The following RAB33B variants were observed in gnomAD, a reference collection of about 807,000 sequenced individuals.
The protein encoded by RAB33B is RAB33B, member RAS oncogene family.
RAB33B carries 6 observed loss-of-function variants against 15.0 expected under a neutral mutation model. The observed-to-expected ratio is 0.40, with a 90% CI of 0.22 to 0.79. The LOEUF (loss-of-function observed/expected upper bound fraction) is 0.79. Among genes scored for constraint, RAB33B ranks in the 30% least tolerant of loss-of-function variants. RAB33B has a pLI of 0.37. For missense variants in RAB33B, 257 were observed against 296.4 expected (o/e 0.87, Z 0.98); for synonymous variants, 117 against 108.3 (o/e 1.08, Z -0.50).
chr4:139,444,428 T>C, the RAB33B span, among the ~76,000 whole-genome samples: 1 of 152,070 alleles, frequency 6.6e-6, no homozygotes, highest in Admixed American at 6.6e-5. Flanking sequence ...CAAAACCCCT[T>C]GAATGAAGGG....
chr4:139,459,520 G>C (rs993696913), intron 1 of RAB33B, among the ~76,000 whole-genome samples: 2 of 152,012 alleles, frequency 1.3e-5, no homozygotes, highest in Admixed American at 1.3e-4. Context: ...ACCTTTAGAT[G>C]ATTTCTATCT....
At chr4:139,464,938 G>A (rs1750253547) in intron 1 of RAB33B, among the ~76,000 whole-genome samples, 1 of 152,126 alleles carries the variant, frequency 6.6e-6, no homozygotes, top group Non-Finnish European at 1.5e-5. Flanking sequence ...GGTATTTCTA[G>A]TTCTAGATCC....
Position 139,454,384 on chromosome 4 carries a change from G to A in RAB33B, c.189G>A (p.Glu63=), listed in dbSNP as rs1343451955. The part of the protein sequence containing the change: ...FCAGRFPDRT[E]ATIGVDFRER... ...CTGGCCGCTTCCCCGACCGCACCGA[G>A]GCCACGATAGGGGTGGATTTCCGAG... Residue 63 remains glutamate, a synonymous_variant, in exon 1 of 2, where the codon GAG becomes GAA. Transcript: ENST00000305626. 6.2e-7 allele frequency: 1 copy of A among 1,613,544 alleles called. No individual in the cohort carries two copies. Among genetic ancestry groups the A allele is most frequent in the African/African-American group, 1.3e-5 (1 of 74,916 alleles).
chr4:139,439,865 C>A, the RAB33B span, among the ~76,000 whole-genome samples: 1 of 152,028 alleles, frequency 6.6e-6, no homozygotes, highest in Non-Finnish European at 1.5e-5. Context: ...TCCAGAATTT[C>A]TTTTTGGTTT....
At chr4:139,443,570 T>A in the RAB33B span, among the ~76,000 whole-genome samples, 2 of 152,096 alleles carry the variant, frequency 1.3e-5, no homozygotes, top group Non-Finnish European at 2.9e-5. Flanking sequence ...AGAACTGAAA[T>A]TGTGGAAAAA....
chr4:139,447,718 G>C, the RAB33B span, among the ~76,000 whole-genome samples: 1 of 140,370 alleles, frequency 7.1e-6, no homozygotes, highest in Non-Finnish European at 1.5e-5. Flanking sequence ...CCAGGCTGGA[G>C]TGCAGTGGTG....
rs70943422 is a variant in RAB33B, at chr4:139,467,308, C to CTTTTTT, written c.250-5354_250-5349dup. 2.3e-4 allele frequency among the ~76,000 whole-genome samples: 4 copies of CTTTTTT among 17,618 alleles called. 1 individual carries two copies. Among genetic ancestry groups the CTTTTTT allele is most frequent in the Non-Finnish European group, 4.5e-4 (3 of 6,640 alleles). 11.6% of individuals were successfully genotyped at this position (17,618 alleles called of 152,430 possible). On this transcript the variant is annotated intron_variant, in intron 1 of 1. Transcript: ENST00000305626. ...TCTTTCCCCACCACGCCCCCCGCCG[C>CTTTTTT]TTTTTTTTTTTTTTTTTTTTTTTTT...
chr4:139,461,945 T>G (rs1185921455), intron 1 of RAB33B, among the ~76,000 whole-genome samples: 1 of 151,850 alleles, frequency 6.6e-6, no homozygotes, highest in Non-Finnish European at 1.5e-5. Context: ...TTCCTTTATA[T>G]AAAACTTCAT....
At chr4:139,454,886 C>A (rs2111068313) in intron 1 of RAB33B, among the ~76,000 whole-genome samples, 1 of 152,280 alleles carries the variant, frequency 6.6e-6, no homozygotes, top group South Asian at 2.1e-4. Context: ...TTCATTCGAG[C>A]AGTGCCTTAG....
chr4:139,454,406 C>G lies in RAB33B; in HGVS notation c.211C>G (p.Arg71Gly), dbSNP rs1085307128. 1 of 1,612,430 alleles carries G rather than the reference C, an allele frequency of 6.2e-7. No homozygotes were observed. Among genetic ancestry groups the G allele is most frequent in the East Asian group, 2.2e-5 (1 of 44,862 alleles). ...RTEATIGVDFRERAVEIDGER... is the reference protein window; with the variant it reads ...RTEATIGVDFGERAVEIDGER... ...CGAGGCCACGATAGGGGTGGATTTC[C>G]GAGAACGAGCGGTGGAGATTGATGG... is the stretch of plus-strand genomic sequence containing the variant. The change falls in exon 1 of 2, where the codon CGA becomes GGA. Residue 71 changes from arginine to glycine, a missense_variant. Transcript: ENST00000305626.
chr4:139,454,023 C>A, upstream of RAB33B: 1 of 690,970 alleles, frequency 1.4e-6, no homozygotes, highest in East Asian at 3.3e-5. Flanking sequence ...CACACCTGTG[C>A]GGGCAAGGGC....
At position 139,473,157 on chromosome 4, in the gene RAB33B, G is replaced by A. The variant is rs749017726; in HGVS notation, c.*31G>A. On this transcript the variant is annotated 3_prime_UTR_variant, in exon 2 of 2. Transcript: ENST00000305626. Reference sequence around the variant, plus strand: ...AGTCTTTATTATATTATCTAATTTTGACTAAAGAAATACTTTTGAAGTATG... The same window carrying A: ...AGTCTTTATTATATTATCTAATTTTAACTAAAGAAATACTTTTGAAGTATG... 3 of 1,515,570 alleles carry A rather than the reference G, an allele frequency of 2.0e-6. No homozygotes were observed. The highest frequency in any genetic ancestry group is 2.1e-5 in the Admixed American group (1 of 46,516). The allele number at this position is 1,515,570 out of a possible 1,614,324, so 93.9% of individuals were successfully genotyped here.
rs980659243 is a variant in RAB33B at position 139,473,051 on chromosome 4, A to G, written c.615A>G (p.Leu205=). 1.2e-6 allele frequency: 2 copies of G among 1,614,008 alleles called. No individual in the cohort carries two copies. The highest frequency in any genetic ancestry group is 2.7e-5 in the African/African-American group (2 of 74,920). ...ATAAGCTTAAGAGCCACAAACCATT[A>G]ATGCTTAGTCAGCCCCCTGATAATG... ...LAHKLKSHKP[L]MLSQPPDNGI... Residue 205 remains leucine (L), a synonymous_variant, in exon 2 of 2, where the codon TTA becomes TTG. Coordinates refer to ENST00000305626, the MANE Select transcript of RAB33B (RefSeq NM_031296.3).
upstream of RAB33B, chr4:139,451,242 C>T (rs145148916): frequency 6.6e-6 from 1 of 152,176 alleles, no homozygotes; most frequent in Non-Finnish European, 1.5e-5. Flanking sequence ...GCTGTGCTAC[C>T]CAGGCTGGAG....
chr4:139,465,017 T>G (rs1452221493), intron 1 of RAB33B, among the ~76,000 whole-genome samples: 1 of 152,180 alleles, frequency 6.6e-6, no homozygotes, highest in Non-Finnish European at 1.5e-5. Context: ...AGTGTAAAAG[T>G]GTTCCTATTT....
intron 1 of RAB33B, among the ~76,000 whole-genome samples, chr4:139,458,323 T>A (rs114009008): frequency 0.012 from 1,787 of 152,274 alleles, 12 homozygotes; most frequent in East Asian, 0.03. Flanking sequence ...CAGGGGTACA[T>A]GTGCAGGTTT....
Position 139,454,125 on chromosome 4 carries a change from T to C in RAB33B, c.-71T>C. The C allele has an allele frequency of 6.6e-7, 1 of 1,514,738 alleles. No homozygotes were observed. 93.8% of individuals were successfully genotyped at this position (1,514,738 alleles called of 1,614,324 possible). A position where few individuals can be genotyped will look rare whatever the true frequency, so the allele number is the denominator to read the frequency against. ...GAACTGGCCGGCTGGGCGCGCGCTC[T>C]TGCGGTGGCGTAATCTCTCAGCCTT... On this transcript the variant is annotated 5_prime_UTR_variant, in exon 1 of 2. Transcript: ENST00000305626.
At chr4:139,446,286 GCAC>G in the RAB33B span, among the ~76,000 whole-genome samples, 1 of 152,152 alleles carries the variant, frequency 6.6e-6, no homozygotes, top group East Asian at 1.9e-4. Flanking sequence ...GGATGATTCT[GCAC>G]GATATGTAGG....
the RAB33B span, among the ~76,000 whole-genome samples, chr4:139,442,040 C>T: frequency 6.6e-6 from 1 of 152,108 alleles, no homozygotes; most frequent in Non-Finnish European, 1.5e-5. Flanking sequence ...AATCTGCAAT[C>T]ACGGTTGCGA....
Sources: gnomAD v4.1 joint callset for allele counts (sites outside exome capture counted in the v4.1 genomes callset) on GRCh38, gnomAD v4.1.1 for gene constraint, MANE v1.5 for transcripts, NCBI Gene and HGNC (gene_info 2026-07-23, HGNC 2026-07-21) for gene names.